The following VAX2 variants were observed in gnomAD, a reference collection of about 807,000 sequenced individuals.
The protein encoded by VAX2 is ventral anterior homeobox 2.
In VAX2, 8 loss-of-function variants were observed where a neutral mutation model predicts 12.5. The observed-to-expected ratio is 0.64, with a 90% CI of 0.37 to 1.15. The LOEUF is 1.15. VAX2 is among the 50% of genes most tolerant of loss of function. VAX2 has a pLI of 0.01. For synonymous variants in VAX2, 183 were observed against 187.6 expected, an observed-to-expected ratio of 0.98 and a Z score of 0.20; for missense variants, 476 against 412.9, an observed-to-expected ratio of 1.15 and a Z score of -1.32.
intron 1 of VAX2, among the ~76,000 whole-genome samples, chr2:70,913,617 C>T (rs112332531): frequency 1.2e-3 from 185 of 151,842 alleles, no homozygotes; most frequent in African/African-American, 4.1e-3. Flanking sequence ...CAGAGGTTGC[C>T]GTGAGCCAAG....
intron 1 of VAX2, among the ~76,000 whole-genome samples, chr2:70,911,620 A>G (rs957664818): frequency 9.2e-5 from 14 of 152,254 alleles, no homozygotes; most frequent in African/African-American, 3.4e-4. Flanking sequence ...AATCTGATAG[A>G]TAAAATATGG....
Position 70,933,111 on chromosome 2 carries a change from C to G in VAX2, c.780C>G (p.Ala260=). The change falls in exon 3 of 3, where the codon GCC becomes GCG. Residue 260 remains alanine, a synonymous_variant. Transcript: ENST00000234392. The part of the protein sequence containing the change: ...FSSAPLLDLP[A]GYELGSSAFE... ...CGGCCCCGCTCCTGGATCTGCCTGC[C>G]GGCTACGAACTGGGTTCCTCGGCCT... 6.2e-7 allele frequency: 1 copy of G among 1,609,426 alleles called. No homozygotes were observed. Among genetic ancestry groups the G allele is most frequent in the Non-Finnish European group, 8.5e-7 (1 of 1,178,124 alleles).
At chr2:70,923,105 T>C (rs1235619813) in intron 2 of VAX2, among the ~76,000 whole-genome samples, 1 of 152,158 alleles carries the variant, frequency 6.6e-6, no homozygotes, top group Non-Finnish European at 1.5e-5. Context: ...AGGACAAGAA[T>C]GTATTTATAG....
At chr2:70,924,437 C>T (rs1174824219) in intron 2 of VAX2, 4 of 152,112 alleles carry the variant, frequency 2.6e-5, no homozygotes, top group Non-Finnish European at 4.4e-5. Flanking sequence ...CTCAAGTAAT[C>T]CTCCCTCCTC....
At chr2:70,921,372 GA>G in intron 2 of VAX2, 87 bp downstream of exon 2, 1 of 1,417,020 alleles carries the variant, frequency 7.1e-7, no homozygotes, top group East Asian at 2.6e-5. Context: ...CTGCTACAGG[GA>G]GACCCAACTT....
intron 2 of VAX2, among the ~76,000 whole-genome samples, chr2:70,929,048 G>A (rs945481561): frequency 2.6e-5 from 4 of 152,224 alleles, no homozygotes; most frequent in African/African-American, 4.8e-5. Context: ...GAATGCAGCA[G>A]TGTGCAGCGC....
At chr2:70,924,716 T>C (rs893549353) in intron 2 of VAX2, among the ~76,000 whole-genome samples, 2 of 152,206 alleles carry the variant, frequency 1.3e-5, no homozygotes, top group African/African-American at 4.8e-5. Flanking sequence ...TGTTCACCCA[T>C]AATTTTGTTC....
chr2:70,926,016 A>G (rs1553413496), intron 2 of VAX2, among the ~76,000 whole-genome samples: 1 of 151,784 alleles, frequency 6.6e-6, no homozygotes, highest in Non-Finnish European at 1.5e-5. Flanking sequence ...GTCCCAATTC[A>G]GGCAGAGAAA....
rs1405673727 is a variant in VAX2 at position 70,903,826 on chromosome 2, T to C, written c.247+2958T>C. Among the ~76,000 whole-genome samples the C allele has an allele frequency of 2.0e-5, 3 of 152,200 alleles. No homozygotes were observed. The East Asian group carries it at 5.8e-4, about 29-fold the overall frequency. ...TCTGGGCCCGGGGCCTGGGCTGTAC[T>C]GGAGGTGAGCACCTAGGGGTTAAGA... On this transcript the variant is annotated intron_variant, in intron 1 of 2. Transcript: ENST00000234392.
At chr2:70,925,961 A>C (rs1679562539) in intron 2 of VAX2, among the ~76,000 whole-genome samples, 1 of 151,882 alleles carries the variant, frequency 6.6e-6, no homozygotes, top group African/African-American at 2.4e-5. Context: ...TCTGCCAAAT[A>C]GCATCTCTAC....
Position 70,921,121 on chromosome 2 carries a change from A to G in VAX2, c.271A>G (p.Ile91Val). The change falls in exon 2 of 3, where the codon ATT becomes GTT. Residue 91 changes from isoleucine to valine, a missense_variant. Ile to Val is a conservative substitution (Grantham distance 29, BLOSUM62 3). Coordinates refer to ENST00000234392, the MANE Select transcript of VAX2 (RefSeq NM_012476.3). ...VRDAKGTIRE[I>V]VLPKGLDLDR... The stretch of plus-strand genomic sequence containing the variant: ...AGATGCCAAAGGGACAATTCGGGAA[A>G]TTGTCCTGCCTAAGGGCCTGGACCT... The G allele has an allele frequency of 1.2e-6, 2 of 1,605,238 alleles. No individual in the cohort carries two copies. The highest frequency in any genetic ancestry group is 1.7e-4 in the Middle Eastern group (1 of 6,026).
chr2:70,907,575 C>A (rs1553410746), intron 1 of VAX2, among the ~76,000 whole-genome samples: 1 of 152,208 alleles, frequency 6.6e-6, no homozygotes, highest in African/African-American at 2.4e-5. Flanking sequence ...GCCTTCCATT[C>A]CCCACTACTT....
At chr2:70,916,648 T>C (rs1482876976) in intron 1 of VAX2, among the ~76,000 whole-genome samples, 3 of 152,216 alleles carry the variant, frequency 2.0e-5, no homozygotes, top group African/African-American at 7.2e-5. Flanking sequence ...GGAACTGTTT[T>C]TTCCCCTCAG....
chr2:70,925,917 A>C (rs1280885779), intron 2 of VAX2, among the ~76,000 whole-genome samples: 1 of 151,680 alleles, frequency 6.6e-6, no homozygotes, highest in African/African-American at 2.4e-5. Flanking sequence ...CTCTCTTTTT[A>C]TCTCTTCTCC....
intron 2 of VAX2, among the ~76,000 whole-genome samples, chr2:70,927,991 G>A (rs1036752760): frequency 5.9e-5 from 9 of 152,178 alleles, no homozygotes; most frequent in African/African-American, 1.9e-4. Context: ...CTGTGAAGTC[G>A]GCTAGGAATG....
In VAX2 at chr2:70,900,641, AGCGCGACCGGGGCCCCGCGCGCCGG is replaced by A. The variant is rs1231318138; in HGVS notation, c.24_48del (p.Asp9SerfsTer123). On this transcript the variant is annotated frameshift_variant, in exon 1 of 3. Transcript: ENST00000234392. LOFTEE classifies it high-confidence loss of function. ...GTCAGCATGGGCGATGGGGGCGCCG[AGCGCGACCGGGGCCCCGCGCGCCGG>A]GCGGAGTCTGGTGGCGGCGGTGGGC... 1.6e-6 allele frequency: 2 copies of A among 1,270,960 alleles called. No homozygotes were observed. The highest frequency in any genetic ancestry group is 2.0e-6 in the Non-Finnish European group (2 of 1,008,554). 78.7% of individuals were successfully genotyped at this position (1,270,960 alleles called of 1,614,324 possible).
intron 1 of VAX2, among the ~76,000 whole-genome samples, chr2:70,905,145 G>A (rs1456241621): frequency 6.6e-6 from 1 of 152,080 alleles, no homozygotes; most frequent in East Asian, 1.9e-4. Flanking sequence ...GCCCTGCTGA[G>A]CAGGCGTTTA....
rs1215397239 is a variant in VAX2, at chr2:70,904,549, C to T, written c.247+3681C>T. Among the ~76,000 whole-genome samples, 2 of 152,236 alleles carry T rather than the reference C, an allele frequency of 1.3e-5. No homozygotes were observed. The highest frequency in any genetic ancestry group is 2.4e-5 in the African/African-American group (1 of 41,460). The stretch of plus-strand genomic sequence containing the variant: ...AGACAATGCGTGGCGTCCGTTCCTG[C>T]TCACCCAAAGCGGCCTCTCTGGGCT... On this transcript the variant is annotated intron_variant, in intron 1 of 2. Transcript: ENST00000234392. This position sits in a 1 kb window ranked among gnomAD's most constrained non-coding sequence, Gnocchi z 4.2.
intron 1 of VAX2, among the ~76,000 whole-genome samples, chr2:70,917,303 T>C (rs1489515201): frequency 2.7e-5 from 4 of 145,646 alleles, no homozygotes; most frequent in African/African-American, 1.0e-4. Flanking sequence ...GCCTGGGGGA[T>C]AGAGCGAGAC....
Sources: allele counts gnomAD v4.1 joint callset (sites outside exome capture counted in the v4.1 genomes callset), GRCh38; gene constraint gnomAD v4.1.1; non-coding constraint Gnocchi (gnomAD v3.1); transcripts MANE v1.5; gene names NCBI Gene and HGNC (gene_info 2026-07-23, HGNC 2026-07-21).